Variants in PIK3C2G observed in about 807,000 individuals in gnomAD.
The protein encoded by PIK3C2G is phosphatidylinositol 3-kinase C2 domain-containing subunit gamma.
Under a neutral mutation model 181.1 loss-of-function variants are expected in PIK3C2G, and 168 were observed. That is an observed-to-expected ratio of 0.93 (90% confidence interval 0.82 to 1.05). The LOEUF (loss-of-function observed/expected upper bound fraction) is 1.05. Among genes scored for constraint, PIK3C2G ranks in the 50% least tolerant of loss-of-function variants. The pLI is 0.00. For missense variants in PIK3C2G, 1,869 were observed against 1,732.8 expected, an observed-to-expected ratio of 1.08 and a Z score of -1.40; for synonymous variants, 573 against 592.2, an observed-to-expected ratio of 0.97 and a Z score of 0.47.
intron 18 of PIK3C2G, among the ~76,000 whole-genome samples, chr12:18,476,904 A>G: frequency 6.6e-6 from 1 of 152,232 alleles, no homozygotes; most frequent in South Asian, 2.1e-4. Context: ...TGGAAACTGT[A>G]TCAGTCTGCT....
At chr12:18,708,659 G>A in the PIK3C2G span, among the ~76,000 whole-genome samples, 4 of 152,016 alleles carry the variant, frequency 2.6e-5, no homozygotes, top group South Asian at 2.1e-4. Flanking sequence ...CCACGCCCTC[G>A]CCAACATTTG....
At chr12:18,565,976 A>G (rs1945615454) in intron 28 of PIK3C2G, among the ~76,000 whole-genome samples, 1 of 152,188 alleles carries the variant, frequency 6.6e-6, no homozygotes, top group Non-Finnish European at 1.5e-5. Context: ...CTTCTATGCT[A>G]TATGCTCAAT....
chr12:18,708,751 C>A, the PIK3C2G span, among the ~76,000 whole-genome samples: 1 of 152,090 alleles, frequency 6.6e-6, no homozygotes, highest in Non-Finnish European at 1.5e-5. Flanking sequence ...ATTTGCATTT[C>A]CCTGGTGACT....
chr12:18,400,411 G>A, intron 16 of PIK3C2G, among the ~76,000 whole-genome samples: 1 of 152,172 alleles, frequency 6.6e-6, no homozygotes, highest in Admixed American at 6.5e-5. Context: ...CTCTGGTCCA[G>A]GAGAAACAAG....
intron 16 of PIK3C2G, among the ~76,000 whole-genome samples, chr12:18,404,370 A>G (rs1944407797): frequency 6.6e-6 from 1 of 152,180 alleles, no homozygotes; most frequent in Non-Finnish European, 1.5e-5. Context: ...TCAAAGAGGT[A>G]GATGAATAAG....
At chr12:18,268,867 A>T (rs1046423975) in intron 1 of PIK3C2G, among the ~76,000 whole-genome samples, 12 of 152,156 alleles carry the variant, frequency 7.9e-5, no homozygotes, top group African/African-American at 2.9e-4. Context: ...TATCAAATAT[A>T]TCATTCACCA....
intron 29 of PIK3C2G, among the ~76,000 whole-genome samples, chr12:18,574,399 A>G (rs184679027): frequency 1.3e-5 from 2 of 152,326 alleles, no homozygotes; most frequent in East Asian, 3.9e-4. Flanking sequence ...TATAAAGAAA[A>G]ACTTATCTGT....
the PIK3C2G span, among the ~76,000 whole-genome samples, chr12:18,713,243 T>C: frequency 3.0e-4 from 45 of 152,226 alleles, 1 homozygote; most frequent in Non-Finnish European, 1.2e-4. Flanking sequence ...GTGCTCTCCA[T>C]ACAAGGCTTG....
At chr12:18,607,570 A>C (rs1001684686) in intron 30 of PIK3C2G, among the ~76,000 whole-genome samples, 1 of 152,186 alleles carries the variant, frequency 6.6e-6, no homozygotes, top group Non-Finnish European at 1.5e-5. Context: ...TAAAGACTTA[A>C]ATGTTAGACC....
In PIK3C2G at chr12:18,535,505, G is replaced by A. The variant is rs78433234; in HGVS notation, c.3324-2651G>A. On this transcript the variant is annotated intron_variant, in intron 24 of 32. Coordinates refer to ENST00000538779, the MANE Select transcript of PIK3C2G (RefSeq NM_001288772.2). ...TGGTGACTATGGACAAAAGAAATGTGTTATCTCATGAACTTGAGCATAACT... is the reference window on the plus strand; with the variant it reads ...TGGTGACTATGGACAAAAGAAATGTATTATCTCATGAACTTGAGCATAACT... Among the ~76,000 whole-genome samples the A allele has an allele frequency of 6.0e-3, 919 of 152,090 alleles. 2 individuals are homozygous for A. The highest frequency in any genetic ancestry group is 0.01 in the Middle Eastern group (3 of 294).
rs1346458470 is a variant in PIK3C2G at position 18,546,307 on chromosome 12, T to C, written c.3481-16T>C. ...TCTGTCTTCTTTTTGCTTTGCTTGTTCTTGTTGTGGTTAAGATGCTGTATG... is the reference window on the plus strand; with the variant it reads ...TCTGTCTTCTTTTTGCTTTGCTTGTCCTTGTTGTGGTTAAGATGCTGTATG... On this transcript the variant is annotated splice_polypyrimidine_tract_variant and intron_variant, in intron 25 of 32. Transcript: ENST00000538779. 1 of 1,404,986 alleles carries C rather than the reference T, an allele frequency of 7.1e-7. No individual in the cohort carries two copies. Among genetic ancestry groups the C allele is most frequent in the South Asian group, 1.2e-5 (1 of 82,768 alleles). 87.0% of individuals were successfully genotyped at this position (1,404,986 alleles called of 1,614,324 possible).
chr12:18,472,787 C>T (rs1938577239), intron 18 of PIK3C2G, among the ~76,000 whole-genome samples: 1 of 152,104 alleles, frequency 6.6e-6, no homozygotes, highest in Admixed American at 6.6e-5. Flanking sequence ...GCAACTTCCA[C>T]CTCCTGGGTT....
chr12:18,711,600 G>T, the PIK3C2G span, among the ~76,000 whole-genome samples: 13,534 of 150,406 alleles, frequency 0.09, 732 homozygotes, highest in African/African-American at 0.15. Flanking sequence ...TTGACTGAGG[G>T]GACTGAGAGA....
the PIK3C2G span, chr12:18,688,293 A>G: frequency 2.7e-6 from 4 of 1,469,490 alleles, no homozygotes; most frequent in Non-Finnish European, 3.7e-6. Context: ...AAATTAAGTT[A>G]TGTATTACAA....
At chr12:18,510,417 A>G (rs1454811641) in intron 24 of PIK3C2G, among the ~76,000 whole-genome samples, 3 of 152,240 alleles carry the variant, frequency 2.0e-5, no homozygotes, top group African/African-American at 4.8e-5. Flanking sequence ...AATAAACTCA[A>G]AATTTCAACT....
intron 15 of PIK3C2G, among the ~76,000 whole-genome samples, chr12:18,396,502 C>T (rs1799632345): frequency 6.6e-6 from 1 of 151,082 alleles, no homozygotes; most frequent in African/African-American, 2.4e-5. Context: ...ATTGGAAATC[C>T]TAGCCAGCAC....
intron 11 of PIK3C2G, among the ~76,000 whole-genome samples, chr12:18,356,264 G>A (rs148570248): frequency 2.2e-4 from 34 of 152,270 alleles, no homozygotes; most frequent in African/African-American, 6.5e-4. Flanking sequence ...CAAGCCCCCC[G>A]ATGAAACGGG....
At chr12:18,668,393 G>A in the PIK3C2G span, among the ~76,000 whole-genome samples, 1 of 152,146 alleles carries the variant, frequency 6.6e-6, no homozygotes, top group South Asian at 2.1e-4. Flanking sequence ...GGGAAAATTT[G>A]TAAAAGGAAA....
intron 29 of PIK3C2G, among the ~76,000 whole-genome samples, chr12:18,584,487 G>A (rs1475586238): frequency 6.6e-6 from 1 of 152,036 alleles, no homozygotes; most frequent in East Asian, 1.9e-4. Flanking sequence ...TCAGACAAAA[G>A]TAAAGAGAAA....
Sources: gnomAD v4.1 joint callset for allele counts (sites outside exome capture counted in the v4.1 genomes callset) on GRCh38, gnomAD v4.1.1 for gene constraint, MANE v1.5 for transcripts, NCBI Gene and HGNC (gene_info 2026-07-23, HGNC 2026-07-21) for gene names.